Variants in ROBO2 observed in about 807,000 individuals in gnomAD.
The protein encoded by ROBO2 is roundabout homolog 2.
A neutral mutation model predicts 160.8 loss-of-function variants in ROBO2; 53 were observed. The ratio of observed to expected loss-of-function variants is 0.33; its 90% confidence interval spans 0.26 to 0.41. The LOEUF (loss-of-function observed/expected upper bound fraction) is 0.41. ROBO2 is among the 10% of genes least tolerant of loss of function. ROBO2 has a pLI of 1.00. For synonymous variants in ROBO2, 664 were observed against 611.7 expected (o/e 1.09, Z -1.26); for missense variants, 1,577 against 1,722.4 (o/e 0.92, Z 1.49).
intron 2 of ROBO2, among the ~76,000 whole-genome samples, chr3:77,269,377 C>T (rs570720192): frequency 6.6e-6 from 1 of 152,272 alleles, no homozygotes; most frequent in South Asian, 2.1e-4. Flanking sequence ...CATAAATAAA[C>T]CATGCATTCC....
At chr3:77,523,490 T>G (rs1293714194) in intron 6 of ROBO2, among the ~76,000 whole-genome samples, 1 of 151,414 alleles carries the variant, frequency 6.6e-6, no homozygotes, top group Non-Finnish European at 1.5e-5. Flanking sequence ...GTAATAACTT[T>G]CACTTTCTGG....
At chr3:75,976,380 C>T (rs2065134081) in intron 2 of ROBO2, among the ~76,000 whole-genome samples, 1 of 151,502 alleles carries the variant, frequency 6.6e-6, no homozygotes, top group Non-Finnish European at 1.5e-5. Flanking sequence ...TAAGATTGAA[C>T]TACAACTGTG....
intron 2 of ROBO2, among the ~76,000 whole-genome samples, chr3:77,000,254 C>A (rs949109397): frequency 3.9e-5 from 6 of 152,208 alleles, no homozygotes; most frequent in Non-Finnish European, 7.4e-5. Flanking sequence ...GAGTGATTCC[C>A]GTATATCTGC....
intron 2 of ROBO2, among the ~76,000 whole-genome samples, chr3:77,365,513 C>T (rs962378079): frequency 6.6e-5 from 10 of 152,202 alleles, no homozygotes; most frequent in East Asian, 1.9e-4. Context: ...CCTTCAGAAG[C>T]GATAGTATAC....
intron 2 of ROBO2, among the ~76,000 whole-genome samples, chr3:77,305,024 A>T (rs1219698226): frequency 6.6e-6 from 1 of 152,132 alleles, no homozygotes; most frequent in African/African-American, 2.4e-5. Flanking sequence ...CCTGCTTTCA[A>T]CCTCTCTGAC....
intron 2 of ROBO2, among the ~76,000 whole-genome samples, chr3:76,458,533 C>T (rs1459961809): frequency 6.6e-6 from 1 of 152,186 alleles, no homozygotes; most frequent in African/African-American, 2.4e-5. Flanking sequence ...ACTGTTCCAA[C>T]CTCTGCCTGT....
At chr3:76,197,443 G>T (rs150046224) in intron 2 of ROBO2, among the ~76,000 whole-genome samples, 1 of 151,088 alleles carries the variant, frequency 6.6e-6, no homozygotes, top group Non-Finnish European at 1.5e-5. Flanking sequence ...TCTCCTTTTG[G>T]GGAGTGATAA....
intron 2 of ROBO2, among the ~76,000 whole-genome samples, chr3:77,376,149 A>ACTTT (rs1252242463): frequency 2.4e-5 from 3 of 123,230 alleles, no homozygotes; most frequent in African/African-American, 9.6e-5. Context: ...TAGGCATTTA[A>ACTTT]CTTTCTTTTT....
At chr3:77,118,257 G>T (rs2074396343) in intron 2 of ROBO2, among the ~76,000 whole-genome samples, 1 of 152,136 alleles carries the variant, frequency 6.6e-6, no homozygotes, top group Non-Finnish European at 1.5e-5. Context: ...ATGTTGGGAT[G>T]AATTCTAGTC....
At chr3:75,915,559 T>G (rs576688542) in intron 1 of ROBO2, among the ~76,000 whole-genome samples, 2 of 152,324 alleles carry the variant, frequency 1.3e-5, no homozygotes, top group African/African-American at 4.8e-5. Flanking sequence ...ATTCTGAATT[T>G]GCAATATGAG....
At chr3:77,008,262 C>CA (rs1236637574) in intron 2 of ROBO2, among the ~76,000 whole-genome samples, 2 of 151,954 alleles carry the variant, frequency 1.3e-5, no homozygotes, top group Non-Finnish European at 1.5e-5. Flanking sequence ...ATTGGTGTTA[C>CA]AAAAAAATCA....
At chr3:76,790,717 C>T (rs2063302808) in intron 2 of ROBO2, among the ~76,000 whole-genome samples, 1 of 151,588 alleles carries the variant, frequency 6.6e-6, no homozygotes, top group Non-Finnish European at 1.5e-5. Context: ...ACATATTAAA[C>T]AGTCACTCAA....
At chr3:76,067,496 G>GT (rs1001776605) in intron 2 of ROBO2, among the ~76,000 whole-genome samples, 8 of 88,206 alleles carry the variant, frequency 9.1e-5, no homozygotes, top group African/African-American at 2.7e-4. Flanking sequence ...CCTTGGAATT[G>GT]TTTAAAAAAA....
chr3:77,451,456 G>A (rs1465441118), intron 2 of ROBO2, among the ~76,000 whole-genome samples: 1 of 152,038 alleles, frequency 6.6e-6, no homozygotes, highest in Non-Finnish European at 1.5e-5. Flanking sequence ...GTCCTCATGA[G>A]AAGAAAGTAA....
intron 2 of ROBO2, among the ~76,000 whole-genome samples, chr3:77,451,213 A>G (rs914259905): frequency 2.6e-5 from 4 of 152,098 alleles, no homozygotes; most frequent in African/African-American, 9.7e-5. Context: ...AGTTTCACTA[A>G]GCAGCATTTA....
intron 2 of ROBO2, among the ~76,000 whole-genome samples, chr3:76,739,728 G>A (rs1478262020): frequency 6.6e-6 from 1 of 152,088 alleles, no homozygotes; most frequent in Non-Finnish European, 1.5e-5. Context: ...ATTAATAAAA[G>A]TAGAGTTTGA....
chr3:76,003,943 G>A (rs1394200373), intron 2 of ROBO2, among the ~76,000 whole-genome samples: 1 of 152,188 alleles, frequency 6.6e-6, no homozygotes, highest in Non-Finnish European at 1.5e-5. Flanking sequence ...GAGTACTGGT[G>A]AGGATATGTA....
At chr3:77,360,045 G>A (rs539899453) in intron 2 of ROBO2, among the ~76,000 whole-genome samples, 1 of 152,248 alleles carries the variant, frequency 6.6e-6, no homozygotes, top group East Asian at 1.9e-4. Context: ...AGAAGTTGAA[G>A]TACTAAATCT....
At chr3:77,042,758 C>G (rs545096280) in intron 1 of ROBO2, among the ~76,000 whole-genome samples, 1 of 151,998 alleles carries the variant, frequency 6.6e-6, no homozygotes, top group Non-Finnish European at 1.5e-5. Flanking sequence ...CCTTCCTTCT[C>G]TCCCACACCA....
Sources: allele counts gnomAD v4.1 joint callset (sites outside exome capture counted in the v4.1 genomes callset), GRCh38; gene constraint gnomAD v4.1.1; transcripts MANE v1.5; gene names NCBI Gene and HGNC (gene_info 2026-07-23, HGNC 2026-07-21).